The following FCRL5 variants were observed in gnomAD, a reference collection of about 807,000 sequenced individuals.
FCRL5 encodes Fc receptor like 5.
In FCRL5, 79 loss-of-function variants were observed where a neutral mutation model predicts 92.1. That is an observed-to-expected ratio of 0.86 (90% confidence interval 0.72 to 1.03). The LOEUF is 1.03. Ranked by LOEUF, FCRL5 falls within the 50% of genes least tolerant of loss-of-function variation. FCRL5 has a pLI of 0.00. For missense variants in FCRL5, 1,160 were observed against 1,181.1 expected (o/e 0.98, Z 0.26); for synonymous variants, 466 against 469.3 (o/e 0.99, Z 0.09).
chr1:157,550,588 A>G lies in FCRL5; in HGVS notation c.32-1008T>C, dbSNP rs117450629. On this transcript the variant is annotated intron_variant, in intron 1 of 16. Transcript: ENST00000361835. ...AATTATCTTCATTATCTGCTTGTTT[A>G]TTTTCCCTTCTCTATAATGCAAGCT... Among the ~76,000 whole-genome samples, 188 of 152,202 alleles carry G rather than the reference A, an allele frequency of 1.2e-3. 4 individuals carry two copies. In the East Asian group the frequency reaches 0.031, roughly 25 times the overall value.
At chr1:157,549,249 C>A (rs144081088) in intron 2 of FCRL5, among the ~76,000 whole-genome samples, 3,117 of 130,100 alleles carry the variant, frequency 0.024, 104 homozygotes, top group African/African-American at 0.085. Flanking sequence ...AACACTTGGA[C>A]ACAGGAAGGG....
chr1:157,538,396 C>T (rs1315819395), intron 7 of FCRL5, among the ~76,000 whole-genome samples: 2 of 152,306 alleles, frequency 1.3e-5, no homozygotes, highest in East Asian at 3.9e-4. Context: ...TTGAACCTGG[C>T]CATTTAGCCA....
chr1:157,534,463 G>T, intron 8 of FCRL5, 151 bp downstream of exon 8: 1 of 898,238 alleles, frequency 1.1e-6, no homozygotes, highest in Non-Finnish European at 1.8e-6. Flanking sequence ...TTATGAGTAC[G>T]GAAAACCCCA....
rs986907205 is a variant in FCRL5, at chr1:157,546,574, TA to T, written c.307+368del. 2.0e-5 allele frequency among the ~76,000 whole-genome samples: 3 copies of T among 152,174 alleles called. No homozygotes were observed. The East Asian group carries it at 5.8e-4, about 29-fold the overall frequency. ...GACTTTCTGGTACCGGAGAGGCTTG[TA>T]AAAAATATAAATTGCTGGACCCCAC... On this transcript the variant is annotated intron_variant, in intron 3 of 16. Coordinates refer to ENST00000361835, the MANE Select transcript of FCRL5 (RefSeq NM_031281.3).
intron 6 of FCRL5, among the ~76,000 whole-genome samples, chr1:157,540,123 C>G (rs909892583): frequency 4.6e-5 from 7 of 152,336 alleles, no homozygotes; most frequent in African/African-American, 1.7e-4. Flanking sequence ...AGTCCACAGG[C>G]TCTACCCACC....
intron 15 of FCRL5, among the ~76,000 whole-genome samples, chr1:157,517,942 G>A (rs1288366058): frequency 2.0e-5 from 3 of 147,534 alleles, no homozygotes; most frequent in Non-Finnish European, 4.4e-5. Context: ...TCTCTCTGCT[G>A]TGTGGGGGAT....
At position 157,549,547 on chromosome 1, in the gene FCRL5, CAGG is replaced by C. The variant is rs773109359; in HGVS notation, c.52+10_52+12del. ...ACCAGAGACGCTGAAGAGCCAAAGA[CAGG>C]AGAACTCACCAAACTGTCCACTGAC... On this transcript the variant is annotated intron_variant, in intron 2 of 16. Transcript: ENST00000361835. 1.2e-6 allele frequency: 2 copies of C among 1,611,540 alleles called. No individual in the cohort carries two copies. The highest frequency in any genetic ancestry group is 1.3e-5 in the African/African-American group (1 of 74,798).
In FCRL5 at chr1:157,549,561, A is replaced by G. The variant is rs1190633406; in HGVS notation, c.51T>C (p.Phe17=). The G allele has an allele frequency of 6.2e-7, 1 of 1,612,432 alleles. No homozygotes were observed. The highest frequency in any genetic ancestry group is 1.3e-5 in the African/African-American group (1 of 74,994). ...LLVLAPVSGQ[F]ARTPRPIIFL... ...AGAGCCAAAGACAGGAGAACTCACC[A>G]AACTGTCCACTGACAGGAGCTGCAA... is the stretch of plus-strand genomic sequence containing the variant. The change falls in exon 2 of 17, where the codon TTT becomes TTC. Residue 17 remains phenylalanine (F), a splice_region_variant and synonymous_variant. Transcript: ENST00000361835.
intron 7 of FCRL5, among the ~76,000 whole-genome samples, chr1:157,536,799 A>C (rs1205861712): frequency 2.6e-5 from 4 of 152,242 alleles, no homozygotes; most frequent in Admixed American, 1.3e-4. Context: ...GGAGGGACCA[A>C]CTGAAGCCAT....
intron 9 of FCRL5, 79 bp downstream of exon 9, chr1:157,527,538 T>C (rs1419747906): frequency 2.8e-6 from 4 of 1,407,504 alleles, no homozygotes; most frequent in Non-Finnish European, 3.8e-6. Flanking sequence ...CTCTAGAAAC[T>C]GTACCTCTGA....
intron 1 of FCRL5, among the ~76,000 whole-genome samples, chr1:157,551,767 G>A (rs1651829353): frequency 1.3e-5 from 2 of 152,192 alleles, no homozygotes; most frequent in African/African-American, 4.8e-5. Flanking sequence ...CACCCACAGG[G>A]ACAAAGAGAA....
intron 15 of FCRL5, among the ~76,000 whole-genome samples, chr1:157,517,048 T>C (rs962729422): frequency 1.5e-4 from 23 of 152,312 alleles, no homozygotes; most frequent in Non-Finnish European, 3.1e-4. Flanking sequence ...GGAAGCACAC[T>C]GGCTAAAATC....
intron 3 of FCRL5, 48 bp downstream of exon 3, chr1:157,546,895 T>G: frequency 6.3e-7 from 1 of 1,588,762 alleles, no homozygotes; most frequent in Non-Finnish European, 8.6e-7. Context: ...GAGAGAAACA[T>G]GGGCTGAATT....
chr1:157,545,750 A>C (rs537442150), intron 3 of FCRL5, among the ~76,000 whole-genome samples: 1 of 152,056 alleles, frequency 6.6e-6, no homozygotes, highest in Non-Finnish European at 1.5e-5. Flanking sequence ...GGATGGTCTC[A>C]ATCTCCTGAC....
chr1:157,515,804 C>T, intron 16 of FCRL5, 38 bp downstream of exon 16: 1 of 1,455,810 alleles, frequency 6.9e-7, no homozygotes, highest in East Asian at 2.4e-5. Context: ...CAGGGTGGGC[C>T]TGGGGGTGGG....
intron 8 of FCRL5, chr1:157,534,343 G>C (rs748118102): frequency 1.4e-6 from 1 of 710,522 alleles, no homozygotes; most frequent in South Asian, 1.5e-5. Context: ...AGAAAAATTG[G>C]CGTACTGTTG....
chr1:157,519,609 C>A, intron 13 of FCRL5, 134 bp downstream of exon 13: 1 of 920,052 alleles, frequency 1.1e-6, no homozygotes, highest in Admixed American at 1.9e-5. Flanking sequence ...CAGGGACGTA[C>A]AACAGGTAGT....
chr1:157,544,680 C>A lies in FCRL5; in HGVS notation c.560-134G>T, dbSNP rs1170059864. ...CATTGATCCCTAGCTTCCTTCAGCC[C>A]AAAACACTACTATACTTCCTCTGCT... On this transcript the variant is annotated intron_variant, in intron 4 of 16. Coordinates refer to ENST00000361835, the MANE Select transcript of FCRL5 (RefSeq NM_031281.3). 34 of 1,412,768 alleles carry A rather than the reference C, an allele frequency of 2.4e-5. 1 individual carries two copies. Among genetic ancestry groups the A allele is most frequent in the Non-Finnish European group, 3.2e-5 (33 of 1,021,268 alleles). The allele number at this position is 1,412,768 out of a possible 1,614,324, so 87.5% of individuals were successfully genotyped here. A position where few individuals can be genotyped will look rare whatever the true frequency, so the allele number is the denominator to read the frequency against.
At chr1:157,535,393 C>G (rs1650924560) in intron 7 of FCRL5, among the ~76,000 whole-genome samples, 1 of 152,212 alleles carries the variant, frequency 6.6e-6, no homozygotes, top group Non-Finnish European at 1.5e-5. Flanking sequence ...GTTTAACTAT[C>G]TCCATATAAG....
Sources: gnomAD v4.1 joint callset for allele counts (sites outside exome capture counted in the v4.1 genomes callset) on GRCh38, gnomAD v4.1.1 for gene constraint, MANE v1.5 for transcripts, NCBI Gene and HGNC (gene_info 2026-07-23, HGNC 2026-07-21) for gene names.